NALCN: variants seen among roughly 807,000 people sequenced by gnomAD.
The protein encoded by NALCN is sodium leak channel, non-selective, also known as sodium leak channel NALCN.
NALCN carries 111 observed loss-of-function variants against 225.3 expected under a neutral mutation model. The ratio of observed to expected loss-of-function variants is 0.49; its 90% CI spans 0.42 to 0.58. The LOEUF is 0.58. NALCN is among the 20% of genes least tolerant of loss of function. The pLI, the probability that NALCN is intolerant of heterozygous loss-of-function variation, is 0.00. For missense variants in NALCN, 1,378 were observed against 2,202.4 expected (o/e 0.63, Z 7.49); for synonymous variants, 764 against 769.0 (o/e 0.99, Z 0.11).
chr13:101,297,807 G>T (rs1253021734), intron 7 of NALCN, among the ~76,000 whole-genome samples: 1 of 152,168 alleles, frequency 6.6e-6, no homozygotes, highest in Non-Finnish European at 1.5e-5. Flanking sequence ...TCTGGGAATA[G>T]ACTTTCATCT....
At chr13:101,121,824 G>C (rs1440165005) in intron 18 of NALCN, among the ~76,000 whole-genome samples, 1 of 152,030 alleles carries the variant, frequency 6.6e-6, no homozygotes, top group Non-Finnish European at 1.5e-5. Flanking sequence ...AGCAAGGTTG[G>C]AGCCTAGGAG....
At chr13:101,059,322 C>CCCAA in intron 42 of NALCN, 1 of 152,580 alleles carries the variant, frequency 6.6e-6, no homozygotes, top group South Asian at 2.1e-4. Context: ...TCTTCTGATA[C>CCCAA]CCAACCAGGA....
chr13:101,209,108 AT>A (rs1229963086), intron 13 of NALCN, among the ~76,000 whole-genome samples: 1 of 151,962 alleles, frequency 6.6e-6, no homozygotes, highest in Non-Finnish European at 1.5e-5. Context: ...ATTTTCCTTA[AT>A]GAAGTCGTTT....
intron 3 of NALCN, among the ~76,000 whole-genome samples, chr13:101,387,239 A>AT (rs2047019576): frequency 2.7e-5 from 4 of 149,248 alleles, no homozygotes; most frequent in Admixed American, 6.7e-5. Flanking sequence ...AAAAAAAAAA[A>AT]AAAAAAAAAA....
chr13:101,347,018 C>T (rs1033716702), intron 6 of NALCN, among the ~76,000 whole-genome samples: 5 of 151,958 alleles, frequency 3.3e-5, no homozygotes, highest in Non-Finnish European at 5.9e-5. Context: ...TCTTTAATAC[C>T]TTCTTATGTT....
intron 15 of NALCN, among the ~76,000 whole-genome samples, chr13:101,148,943 CCTGAA>C (rs10549204): frequency 0.75 from 114,497 of 151,810 alleles, 43,506 homozygotes; most frequent in East Asian, 1. Context: ...TGTCGTTTAA[CCTGAA>C]CTGATGTCTG....
At chr13:101,405,917 TGGTTGATTTCA>T (rs932659281) in intron 1 of NALCN, among the ~76,000 whole-genome samples, 6 of 152,168 alleles carry the variant, frequency 3.9e-5, no homozygotes, top group African/African-American at 1.4e-4. Context: ...GTGAGCTCAC[TGGTTGATTTCA>T]ACCCAAATTA....
At chr13:101,145,221 G>A (rs1415043476) in intron 15 of NALCN, among the ~76,000 whole-genome samples, 2 of 151,984 alleles carry the variant, frequency 1.3e-5, no homozygotes, top group Non-Finnish European at 1.5e-5. Context: ...ACTATTACTT[G>A]CATATTTAAA....
chr13:101,088,816 A>G (rs1220032118), intron 30 of NALCN, among the ~76,000 whole-genome samples: 1 of 152,194 alleles, frequency 6.6e-6, no homozygotes, highest in Non-Finnish European at 1.5e-5. Context: ...CCTTTGTTCT[A>G]ATCATTAGAG....
At position 101,281,417 on chromosome 13, in the gene NALCN, G is replaced by A. The variant is rs552339621; in HGVS notation, c.1134+2516C>T. Among the ~76,000 whole-genome samples, 7 of 152,092 alleles carry A rather than the reference G, an allele frequency of 4.6e-5. No individual in the cohort carries two copies. In the South Asian group the frequency reaches 1.2e-3, roughly 27 times the overall value. On this transcript the variant is annotated intron_variant, in intron 10 of 43. Transcript: ENST00000251127. The stretch of plus-strand genomic sequence containing the variant: ...TGGTACTCAGTAAATATCAGTTGAT[G>A]GATTAAAAAATAATGTCAATAAAAG...
At chr13:101,354,067 G>C (rs1241814956) in intron 6 of NALCN, among the ~76,000 whole-genome samples, 1 of 152,146 alleles carries the variant, frequency 6.6e-6, no homozygotes, top group Non-Finnish European at 1.5e-5. Flanking sequence ...AAGTTGGTCG[G>C]GTGCAGTGGC....
chr13:101,337,155 A>T (rs1296655259), intron 7 of NALCN, among the ~76,000 whole-genome samples: 1 of 152,130 alleles, frequency 6.6e-6, no homozygotes, highest in Non-Finnish European at 1.5e-5. Flanking sequence ...AACATATATT[A>T]TGCACCAACT....
chr13:101,161,286 T>C (rs594524), intron 15 of NALCN, among the ~76,000 whole-genome samples: 65,014 of 152,008 alleles, frequency 0.43, 14,157 homozygotes, highest in African/African-American at 0.52. Context: ...TAGGCATCTC[T>C]GTTCAGACAT....
intron 10 of NALCN, among the ~76,000 whole-genome samples, chr13:101,265,605 T>C (rs1235871033): frequency 6.6e-6 from 1 of 152,222 alleles, no homozygotes; most frequent in Non-Finnish European, 1.5e-5. Context: ...GCTACTGTTT[T>C]CTGGAGTGCT....
intron 18 of NALCN, among the ~76,000 whole-genome samples, chr13:101,113,345 C>T (rs583546): frequency 0.3 from 45,211 of 151,998 alleles, 7,040 homozygotes; most frequent in African/African-American, 0.41. Flanking sequence ...CTCACCTGGA[C>T]ATTGAGACAG....
At chr13:101,076,684 T>A (rs630022) in intron 34 of NALCN, among the ~76,000 whole-genome samples, 1 of 152,142 alleles carries the variant, frequency 6.6e-6, no homozygotes, top group Non-Finnish European at 1.5e-5. Context: ...CATAGCATCC[T>A]TGGATGGGGA....
At chr13:101,159,337 C>G (rs1359974454) in intron 15 of NALCN, among the ~76,000 whole-genome samples, 1 of 152,134 alleles carries the variant, frequency 6.6e-6, no homozygotes, top group African/African-American at 2.4e-5. Context: ...CCCTGTGACC[C>G]CAGCTCTAGT....
chr13:101,409,846 T>C (rs190208599), intron 1 of NALCN, among the ~76,000 whole-genome samples: 1 of 152,234 alleles, frequency 6.6e-6, no homozygotes, highest in East Asian at 1.9e-4. Context: ...TCAAGGGAGG[T>C]TCAGAAACAT....
At chr13:101,320,520 T>C (rs748320169) in intron 7 of NALCN, among the ~76,000 whole-genome samples, 9 of 152,344 alleles carry the variant, frequency 5.9e-5, no homozygotes, top group Non-Finnish European at 1.2e-4. Context: ...TGTGTGCTAT[T>C]ATTTGCAGTG....
Sources: allele counts gnomAD v4.1 joint callset (sites outside exome capture counted in the v4.1 genomes callset), GRCh38; gene constraint gnomAD v4.1.1; transcripts MANE v1.5; gene names NCBI Gene and HGNC (gene_info 2026-07-23, HGNC 2026-07-21).